Variants in SIL1 observed in about 807,000 individuals in gnomAD.
The protein encoded by SIL1 is nucleotide exchange factor SIL1.
SIL1 carries 40 observed loss-of-function variants against 49.1 expected under a neutral mutation model. The ratio of observed to expected loss-of-function variants is 0.81; its 90% CI spans 0.63 to 1.06. The LOEUF is 1.06. Ranked by LOEUF, SIL1 falls within the 50% of genes least tolerant of loss-of-function variation. The pLI, the probability that SIL1 is intolerant of heterozygous loss-of-function variation, is 0.00. For missense variants in SIL1, 500 were observed against 572.6 expected (o/e 0.87, Z 1.29); for synonymous variants, 253 against 250.8 (o/e 1.01, Z -0.08).
rs1419882758 is a variant in SIL1, at chr5:139,060,517, C to G, written c.245-9471G>C. On this transcript the variant is annotated intron_variant, in intron 3 of 9. Transcript: ENST00000394817. ...AGCAAAATAAAAAGTTGGCCTTAGTCCTCCAATTTTTTTTTTTTTTTTAAG... is the reference window on the plus strand; with the variant it reads ...AGCAAAATAAAAAGTTGGCCTTAGTGCTCCAATTTTTTTTTTTTTTTTAAG... Among the ~76,000 whole-genome samples the G allele has an allele frequency of 2.0e-5, 3 of 151,192 alleles. No individual in the cohort carries two copies. The East Asian group carries it at 5.8e-4, about 29-fold the overall frequency.
chr5:139,117,648 T>C (rs1771022613), intron 3 of SIL1, among the ~76,000 whole-genome samples: 1 of 152,150 alleles, frequency 6.6e-6, no homozygotes, highest in African/African-American at 2.4e-5. Context: ...GAACAGCTAA[T>C]GCTGTATCCA....
intron 3 of SIL1, among the ~76,000 whole-genome samples, chr5:139,104,741 G>A (rs1195148121): frequency 6.6e-6 from 1 of 152,152 alleles, no homozygotes; most frequent in Non-Finnish European, 1.5e-5. Context: ...TGATTCCCAG[G>A]TAGGCTGTGG....
At chr5:139,150,274 A>C (rs1228424073) in intron 1 of SIL1, among the ~76,000 whole-genome samples, 1 of 151,992 alleles carries the variant, frequency 6.6e-6, no homozygotes, top group African/African-American at 2.4e-5. Context: ...TGTATGTTCC[A>C]CACTTAAGAA....
At chr5:139,162,270 GTCTAATGACCTTA>G (rs1331381979) in intron 1 of SIL1, among the ~76,000 whole-genome samples, 1 of 152,176 alleles carries the variant, frequency 6.6e-6, no homozygotes, top group East Asian at 1.9e-4. Flanking sequence ...GTCAATTCCT[GTCTAATGACCTTA>G]TCTAAGAACT....
At chr5:139,073,314 T>C (rs566828175) in intron 3 of SIL1, among the ~76,000 whole-genome samples, 1 of 152,142 alleles carries the variant, frequency 6.6e-6, no homozygotes, top group Non-Finnish European at 1.5e-5. Flanking sequence ...TCTCCATCAA[T>C]GCAGGAATAG....
intron 3 of SIL1, among the ~76,000 whole-genome samples, chr5:139,088,174 G>A (rs1340402624): frequency 6.6e-6 from 1 of 152,200 alleles, no homozygotes; most frequent in Admixed American, 6.5e-5. Flanking sequence ...CTGCTGTTCT[G>A]CCCACAATGA....
chr5:138,990,448 T>C (rs1359044291), intron 7 of SIL1, among the ~76,000 whole-genome samples: 1 of 152,194 alleles, frequency 6.6e-6, no homozygotes, highest in African/African-American at 2.4e-5. Context: ...TCTAGATGCT[T>C]TCCAGCTGGC....
intron 3 of SIL1, among the ~76,000 whole-genome samples, chr5:139,112,397 G>A (rs1162227105): frequency 1.3e-5 from 2 of 151,962 alleles, no homozygotes; most frequent in Admixed American, 1.3e-4. Flanking sequence ...TCTAGGAAGT[G>A]AGGAGCGTCT....
intron 1 of SIL1, among the ~76,000 whole-genome samples, chr5:139,161,157 C>G (rs905244978): frequency 2.6e-5 from 4 of 151,042 alleles, no homozygotes; most frequent in Non-Finnish European, 5.9e-5. Flanking sequence ...GCAGGAGAAT[C>G]GCTTGAACCT....
intron 1 of SIL1, chr5:139,133,219 A>G (rs1256678281): frequency 6.6e-6 from 1 of 152,214 alleles, no homozygotes; most frequent in East Asian, 1.9e-4. Flanking sequence ...TTCCTTAAGT[A>G]TCCTTGGGCT....
intron 1 of SIL1, among the ~76,000 whole-genome samples, chr5:139,192,567 C>T (rs187944448): frequency 2.6e-4 from 39 of 152,240 alleles, no homozygotes; most frequent in African/African-American, 8.2e-4. Context: ...CCAAAGGTTC[C>T]GATGTCCAGT....
intron 7 of SIL1, among the ~76,000 whole-genome samples, chr5:138,998,428 A>G (rs907680094): frequency 3.3e-5 from 5 of 152,182 alleles, no homozygotes; most frequent in African/African-American, 4.8e-5. Flanking sequence ...TCAGCCTCCC[A>G]AAGTGCTGGG....
rs904440699 is a variant in SIL1 at position 139,112,700 on chromosome 5, C to A, written c.244+8335G>T. Among the ~76,000 whole-genome samples the A allele has an allele frequency of 1.1e-4, 17 of 150,280 alleles. No homozygotes were observed. In the East Asian group the frequency reaches 3.4e-3, roughly 30 times the overall value. ...GAGGTGGCGGGCGCCTCCGCCCGGC[C>A]GCCGCCCCGTGCGGGAGGTGGGGGG... On this transcript the variant is annotated intron_variant, in intron 3 of 9. Coordinates refer to ENST00000394817, the MANE Select transcript of SIL1 (RefSeq NM_022464.5).
At chr5:139,105,639 G>C (rs376199759) in intron 3 of SIL1, among the ~76,000 whole-genome samples, 1 of 152,174 alleles carries the variant, frequency 6.6e-6, no homozygotes, top group Non-Finnish European at 1.5e-5. Context: ...ATGCAGGCCC[G>C]GGAGTGCAGA....
chr5:139,166,845 G>T (rs1332546949), intron 1 of SIL1, among the ~76,000 whole-genome samples: 4 of 151,208 alleles, frequency 2.6e-5, no homozygotes, highest in Non-Finnish European at 5.9e-5. Flanking sequence ...GTCTCACTCT[G>T]TCGCCCAGGC....
chr5:138,947,376 T>G lies in SIL1; in HGVS notation c.1127A>C (p.Gln376Pro). The part of the protein sequence containing the change: ...QVHLLPGLWE[Q>P]GWCEITAHLL... Reference sequence around the variant, plus strand: ...GTGGGCCGTGATCTCGCACCAGCCCTGTTCCCACAGGCCTGGCAGGAGGTG... The same window carrying G: ...GTGGGCCGTGATCTCGCACCAGCCCGGTTCCCACAGGCCTGGCAGGAGGTG... The change falls in exon 10 of 10, where the codon CAG (glutamine) becomes CCG (proline). Residue 376 changes from glutamine to proline, a missense_variant. Physicochemically the swap from Gln to Pro is moderately conservative, Grantham distance 76. Coordinates refer to ENST00000394817, the MANE Select transcript of SIL1 (RefSeq NM_022464.5). This position sits in a 1 kb window ranked among gnomAD's most constrained non-coding sequence, Gnocchi z 4.1. 3 of 1,613,744 alleles carry G rather than the reference T, an allele frequency of 1.9e-6. No homozygotes were observed. The highest frequency in any genetic ancestry group is 2.5e-6 in the Non-Finnish European group (3 of 1,180,032).
intron 7 of SIL1, chr5:139,012,469 T>C (rs1561828224): frequency 6.6e-6 from 1 of 152,212 alleles, no homozygotes; most frequent in African/African-American, 2.4e-5. Flanking sequence ...CCCGACATCC[T>C]ATCTTTTACC....
Position 138,946,782 on chromosome 5 carries a change from A to C in SIL1, c.*335T>G. 2 of 357,230 alleles carry C rather than the reference A, an allele frequency of 5.6e-6. No homozygotes were observed. The highest frequency in any genetic ancestry group is 1.1e-5 in the Non-Finnish European group (2 of 188,448). The allele number at this position is 357,230 out of a possible 1,614,324, so 22.1% of individuals were successfully genotyped here. ...CAGATGAGGAAACAAGCTCAGAGCA[A>C]TTAAGCGACTTCCCAAGGTACAGAG... On this transcript the variant is annotated 3_prime_UTR_variant, in exon 10 of 10. Transcript: ENST00000394817.
At chr5:139,046,505 C>T (rs1769168537) in intron 4 of SIL1, among the ~76,000 whole-genome samples, 1 of 152,216 alleles carries the variant, frequency 6.6e-6, no homozygotes, top group Non-Finnish European at 1.5e-5. Context: ...TTTCTTGCTT[C>T]TCATACTTGA....
Sources: gnomAD v4.1 joint callset for allele counts (sites outside exome capture counted in the v4.1 genomes callset) on GRCh38, gnomAD v4.1.1 for gene constraint, Gnocchi (gnomAD v3.1) non-coding constraint, MANE v1.5 for transcripts, NCBI Gene and HGNC (gene_info 2026-07-23, HGNC 2026-07-21) for gene names.